COL9A3: variants seen among roughly 807,000 people sequenced by gnomAD.
The protein encoded by COL9A3 is collagen alpha-3(IX) chain.
In COL9A3, 82 loss-of-function variants were observed where a neutral mutation model predicts 110.2. That is an observed-to-expected ratio of 0.74 (90% CI 0.62 to 0.89). The LOEUF (loss-of-function observed/expected upper bound fraction) is 0.89. Ranked by LOEUF, COL9A3 falls within the 40% of genes least tolerant of loss-of-function variation. The pLI, the probability that COL9A3 is intolerant of heterozygous loss-of-function variation, is 0.00. For synonymous variants in COL9A3, 494 were observed against 403.8 expected (o/e 1.22, Z -2.68); for missense variants, 1,066 against 981.3 (o/e 1.09, Z -1.15).
chr20:62,837,341 C>G, intron 30 of COL9A3, 76 bp downstream of exon 30: 1 of 1,473,840 alleles, frequency 6.8e-7, no homozygotes. Context: ...GGCGCTGCTT[C>G]TGGTGCCTGC....
At position 62,828,915 on chromosome 20, in the gene COL9A3, C is replaced by A; in HGVS notation, c.955-8C>A. On this transcript the variant is annotated splice_region_variant and splice_polypyrimidine_tract_variant and intron_variant, in intron 18 of 31. Coordinates refer to ENST00000649368, the MANE Select transcript of COL9A3 (RefSeq NM_001853.4). ...TCCCCTTCCGCACCCCAATCTCTGT[C>A]CTCACAGGGAGAGGCTGGTCGCAAC... 6.2e-7 allele frequency: 1 copy of A among 1,612,468 alleles called. No individual in the cohort carries two copies. Among genetic ancestry groups the A allele is most frequent in the Non-Finnish European group, 8.5e-7 (1 of 1,179,878 alleles).
intron 26 of COL9A3, among the ~76,000 whole-genome samples, chr20:62,834,929 T>G (rs1044771769): frequency 9.8e-5 from 15 of 152,316 alleles, no homozygotes; most frequent in East Asian, 5.8e-4. Context: ...GTGAGCCACC[T>G]CGCCCAGCCC....
rs886056910 is a variant in COL9A3, at chr20:62,835,918, C to T, written c.1369-3C>T. The T allele has an allele frequency of 3.7e-6, 6 of 1,614,232 alleles. No homozygotes were observed. The highest frequency in any genetic ancestry group is 5.1e-6 in the Non-Finnish European group (6 of 1,180,030). On this transcript the variant is annotated splice_region_variant and splice_polypyrimidine_tract_variant and intron_variant, in intron 26 of 31. Coordinates refer to ENST00000649368, the MANE Select transcript of COL9A3 (RefSeq NM_001853.4). ...TTCAAACACACAACTTTTCTCTTCA[C>T]AGGGTCCCAGCGGCCTGGTCGGACC...
At chr20:62,834,364 T>G (rs2063619243) in intron 26 of COL9A3, among the ~76,000 whole-genome samples, 1 of 152,228 alleles carries the variant, frequency 6.6e-6, no homozygotes, top group South Asian at 2.1e-4. Context: ...AAAACTCAGG[T>G]GAAGCATAAA....
intron 12 of COL9A3, among the ~76,000 whole-genome samples, chr20:62,825,290 T>G (rs1026797115): frequency 6.6e-6 from 1 of 152,106 alleles, no homozygotes; most frequent in African/African-American, 2.4e-5. Flanking sequence ...GCTGGGTGAT[T>G]TAGGCAGGGT....
chr20:62,818,651 G>A lies in COL9A3; in HGVS notation c.183+98G>A, dbSNP rs115714551. 2.7e-4 allele frequency: 364 copies of A among 1,344,172 alleles called. 1 individual carries two copies. The African/African-American group carries it at 4.4e-3, about 16-fold the overall frequency. The allele number at this position is 1,344,172 out of a possible 1,614,324, so 83.3% of individuals were successfully genotyped here. ...CATTGATATCCTGTCTCATCCTGCC[G>A]GAGCCCGGGTTGCCTGAGGGGAGGC... On this transcript the variant is annotated intron_variant, in intron 3 of 31. Coordinates refer to ENST00000649368, the MANE Select transcript of COL9A3 (RefSeq NM_001853.4).
Position 62,827,294 on chromosome 20 carries a change from C to G in COL9A3, c.846C>G (p.Leu282=). The part of the protein sequence containing the change: ...PEGFRGPKGD[L]GRPGPKGTPG... ...GGTTCCGCGGCCCCAAGGGTGACCT[C>G]GTAAGTGAGAGGGAAGTTGGTTCCC... is the stretch of plus-strand genomic sequence containing the variant. The change falls in exon 16 of 32, where the codon CTC becomes CTG. Residue 282 remains leucine, a splice_region_variant and synonymous_variant. Coordinates refer to ENST00000649368, the MANE Select transcript of COL9A3 (RefSeq NM_001853.4). 1 of 1,612,994 alleles carries G rather than the reference C, an allele frequency of 6.2e-7. No individual in the cohort carries two copies.
At position 62,828,995 on chromosome 20, in the gene COL9A3, G is replaced by C. The variant is rs2063575363; in HGVS notation, c.1008+19G>C. ...GCTGCCGGTGAGTGCCCGGCGGGTG[G>C]GGCCAGCCTGGGGCGCCACAGCTTC... On this transcript the variant is annotated intron_variant, in intron 19 of 31. Transcript: ENST00000649368. 3.8e-6 allele frequency: 6 copies of C among 1,585,024 alleles called. No homozygotes were observed. Among genetic ancestry groups the C allele is most frequent in the Non-Finnish European group, 5.1e-6 (6 of 1,169,212 alleles).
Position 62,817,086 on chromosome 20 carries a change from GC to G in COL9A3, c.26del (p.Pro9ArgfsTer79). The G allele has an allele frequency of 7.2e-7, 1 of 1,392,440 alleles. No homozygotes were observed. Among genetic ancestry groups the G allele is most frequent in the Non-Finnish European group, 9.4e-7 (1 of 1,067,466 alleles). 86.3% of individuals were successfully genotyped at this position (1,392,440 alleles called of 1,614,324 possible). ...AGCCATGGCCGGGCCGCGCGCGTGC[GC>G]CCCGCTCCTGCTCCTGCTCCTGCTC... Reference protein sequence around the residue: MAGPRACAPLLLLLLLGE... With the variant: MAGPRACXPLLLLLLLGE... On this transcript the variant is annotated frameshift_variant, in exon 1 of 32. Transcript: ENST00000649368. LOFTEE classifies it high-confidence loss of function.
intron 15 of COL9A3, 25 bp from the exon 16 acceptor site, chr20:62,827,216 C>G: frequency 6.2e-7 from 1 of 1,612,936 alleles, no homozygotes; most frequent in Non-Finnish European, 8.5e-7. Context: ...TTAACTCTGT[C>G]CCTGCCCCAC....
At chr20:62,830,620 G>A in intron 24 of COL9A3, 32 bp downstream of exon 24, 1 of 1,464,710 alleles carries the variant, frequency 6.8e-7, no homozygotes, top group Non-Finnish European at 9.1e-7. Flanking sequence ...AAGCTCCCCT[G>A]CACCCCCTCT....
At chr20:62,827,456 G>A (rs536260312) in intron 16 of COL9A3, among the ~76,000 whole-genome samples, 162 bp downstream of exon 16, 15 of 152,274 alleles carry the variant, frequency 9.9e-5, no homozygotes, top group Middle Eastern at 3.4e-3. Flanking sequence ...TGGAGGGCCC[G>A]AGCTCTCTCC....
rs775967846 is a variant in COL9A3, at chr20:62,837,159, CCCCCCTGGG to C, written c.1686_1694del (p.Pro567_Gly569del). On this transcript the variant is annotated inframe_deletion, in exon 30 of 32. Coordinates refer to ENST00000649368, the MANE Select transcript of COL9A3 (RefSeq NM_001853.4). ...CCATTGGTCGGCCCGGTCCAGCTGGCCCCCCTGGGCCCCCAGGACCCCCAGGCTCCATTG... is the reference window on the plus strand; with the variant it reads ...CCATTGGTCGGCCCGGTCCAGCTGGCCCCCCAGGACCCCCAGGCTCCATTG... 34 of 1,612,650 alleles carry C rather than the reference CCCCCCTGGG, an allele frequency of 2.1e-5. No individual in the cohort carries two copies. Among genetic ancestry groups the C allele is most frequent in the Admixed American group, 5.0e-5 (3 of 60,006 alleles).
chr20:62,817,035 C>G, upstream of COL9A3: 1 of 1,219,226 alleles, frequency 8.2e-7, no homozygotes, highest in Non-Finnish European at 1.0e-6. Flanking sequence ...GCCGCCCGCC[C>G]CGACGCCGCA....
chr20:62,828,727 C>T (rs1423656320), intron 17 of COL9A3, 37 bp from the exon 18 acceptor site: 1 of 1,610,022 alleles, frequency 6.2e-7, no homozygotes, highest in Admixed American at 1.7e-5. Flanking sequence ...GGAGGGGGGC[C>T]ACTGCCCGAC....
At chr20:62,835,619 G>A (rs923205306) in intron 26 of COL9A3, among the ~76,000 whole-genome samples, 2 of 152,178 alleles carry the variant, frequency 1.3e-5, no homozygotes, top group Non-Finnish European at 2.9e-5. Context: ...GTTCAGCCCA[G>A]CATTAGGCGT....
chr20:62,832,272 C>G, intron 25 of COL9A3, 83 bp downstream of exon 25: 1 of 1,432,554 alleles, frequency 7.0e-7, no homozygotes, highest in Non-Finnish European at 9.8e-7. Flanking sequence ...CCGGCTCTGG[C>G]CCTGGCTGTG....
chr20:62,825,452 G>A (rs925400511), intron 12 of COL9A3: 1 of 383,454 alleles, frequency 2.6e-6, no homozygotes, highest in Non-Finnish European at 4.8e-6. Context: ...GTCTGTCCAT[G>A]GTCACCTGCA....
chr20:62,818,758 G>T (rs755347516), intron 3 of COL9A3, among the ~76,000 whole-genome samples: 8 of 152,230 alleles, frequency 5.3e-5, no homozygotes, highest in Non-Finnish European at 1.0e-4. Context: ...TCAGGGCAGG[G>T]CCTGGCTTTG....
Sources: allele counts gnomAD v4.1 joint callset (sites outside exome capture counted in the v4.1 genomes callset), GRCh38; gene constraint gnomAD v4.1.1; transcripts MANE v1.5; gene names NCBI Gene and HGNC (gene_info 2026-07-23, HGNC 2026-07-21).